PLCE1: variants seen among roughly 807,000 people sequenced by gnomAD.
The protein encoded by PLCE1 is phospholipase C epsilon 1, also known as 1-phosphatidylinositol 4,5-bisphosphate phosphodiesterase epsilon-1.
A neutral mutation model predicts 242.8 loss-of-function variants in PLCE1; 119 were observed. That is an observed-to-expected ratio of 0.49 (90% CI 0.42 to 0.57). The LOEUF is 0.57. Ranked by LOEUF, PLCE1 falls within the 20% of genes least tolerant of loss-of-function variation. The pLI is 0.00. For synonymous variants in PLCE1, 945 were observed against 1,017.4 expected, an observed-to-expected ratio of 0.93 and a Z score of 1.35; for missense variants, 2,441 against 2,788.8, an observed-to-expected ratio of 0.88 and a Z score of 2.81.
At chr10:94,083,407 T>G (rs546686121) in intron 2 of PLCE1, among the ~76,000 whole-genome samples, 6 of 152,142 alleles carry the variant, frequency 3.9e-5, no homozygotes, top group Non-Finnish European at 2.9e-5. Flanking sequence ...CCACAACATA[T>G]GCTTAACAGT....
chr10:94,330,721 G>A lies in PLCE1; in HGVS notation c.*2778G>A, dbSNP rs1488971035. ...AAAAAAAAAAAAAGTAAAGAGTCTAGTCTACTATTATACACAAATGGCCAG... is the reference window on the plus strand; with the variant it reads ...AAAAAAAAAAAAAGTAAAGAGTCTAATCTACTATTATACACAAATGGCCAG... On this transcript the variant is annotated 3_prime_UTR_variant, in exon 33 of 33. Transcript: ENST00000371380. 1 of 151,280 alleles carries A rather than the reference G, an allele frequency of 6.6e-6. No individual in the cohort carries two copies. Among genetic ancestry groups the A allele is most frequent in the Non-Finnish European group, 1.5e-5 (1 of 67,910 alleles). The allele number at this position is 151,280 out of a possible 1,614,324, so 9.4% of individuals were successfully genotyped here.
intron 7 of PLCE1, among the ~76,000 whole-genome samples, chr10:94,241,238 T>C (rs2050494141): frequency 6.6e-6 from 1 of 152,170 alleles, no homozygotes; most frequent in Non-Finnish European, 1.5e-5. Flanking sequence ...AGAAACAGGC[T>C]CCAGAAAAGC....
intron 1 of PLCE1, among the ~76,000 whole-genome samples, chr10:94,012,179 C>G (rs2061182248): frequency 6.6e-6 from 1 of 152,000 alleles, no homozygotes; most frequent in African/African-American, 2.4e-5. Context: ...CTGGGAATTT[C>G]TTCCCTTGAT....
intron 1 of PLCE1, among the ~76,000 whole-genome samples, chr10:93,996,997 T>C (rs1480826406): frequency 1.3e-5 from 2 of 152,232 alleles, no homozygotes; most frequent in African/African-American, 4.8e-5. Flanking sequence ...GTCATAACTT[T>C]AAAGTTTCCA....
At chr10:94,147,770 A>G (rs1041524465) in intron 3 of PLCE1, among the ~76,000 whole-genome samples, 2 of 152,218 alleles carry the variant, frequency 1.3e-5, no homozygotes, top group East Asian at 1.9e-4. Flanking sequence ...GATCTGAACT[A>G]TCATGGAGCT....
rs114843299 is a variant in PLCE1, at chr10:94,272,689, C to T, written c.4507-873C>T. Among the ~76,000 whole-genome samples, 368 of 152,202 alleles carry T rather than the reference C, an allele frequency of 2.4e-3. 3 individuals carry two copies. The highest frequency in any genetic ancestry group is 8.5e-3 in the African/African-American group (351 of 41,534). The stretch of plus-strand genomic sequence containing the variant: ...CACGGCTCCAGCTGGTCCCTCCGTT[C>T]GGGATCCCTGACTTCCCACAACAAT... On this transcript the variant is annotated intron_variant, in intron 18 of 32. Coordinates refer to ENST00000371380, the MANE Select transcript of PLCE1 (RefSeq NM_016341.4).
At chr10:94,125,140 C>T (rs538330097) in intron 2 of PLCE1, among the ~76,000 whole-genome samples, 117 of 152,208 alleles carry the variant, frequency 7.7e-4, no homozygotes, top group African/African-American at 2.7e-3. Context: ...TAATGCCAAA[C>T]ACTGTTCTAG....
intron 2 of PLCE1, among the ~76,000 whole-genome samples, chr10:94,101,331 GA>G (rs1051064202): frequency 6.0e-5 from 9 of 149,996 alleles, no homozygotes; most frequent in Non-Finnish European, 7.4e-5. Flanking sequence ...TAAAGCTGAG[GA>G]AAAAAAAATA....
chr10:94,043,629 AGCCTT>A (rs934235065), intron 2 of PLCE1, among the ~76,000 whole-genome samples: 14 of 152,168 alleles, frequency 9.2e-5, no homozygotes, highest in African/African-American at 3.4e-4. Context: ...GTAACTCCTT[AGCCTT>A]GAGAAACTCT....
chr10:94,091,594 A>C (rs1564678649), intron 2 of PLCE1, among the ~76,000 whole-genome samples: 1 of 152,148 alleles, frequency 6.6e-6, no homozygotes, highest in African/African-American at 2.4e-5. Context: ...AGAAAAAAAG[A>C]CTGTTGAGTT....
chr10:94,262,920 G>A (rs1293365678), intron 14 of PLCE1, among the ~76,000 whole-genome samples, 188 bp downstream of exon 14: 1 of 151,274 alleles, frequency 6.6e-6, no homozygotes, highest in Non-Finnish European at 1.5e-5. Context: ...TGGCCAGGCT[G>A]GAGTGCAGTG....
chr10:94,227,243 G>A, intron 4 of PLCE1, 63 bp from the exon 5 acceptor site: 1 of 1,511,472 alleles, frequency 6.6e-7, no homozygotes. Context: ...GAATGCTTTT[G>A]GAAAAAAAAA....
At chr10:94,204,756 A>G (rs937639177) in intron 4 of PLCE1, among the ~76,000 whole-genome samples, 3 of 83,504 alleles carry the variant, frequency 3.6e-5, no homozygotes, top group African/African-American at 4.6e-5. Context: ...GGGAGGAAGG[A>G]AGGAAGGAAG....
At chr10:94,042,470 A>C (rs1248831348) in intron 2 of PLCE1, among the ~76,000 whole-genome samples, 2 of 152,184 alleles carry the variant, frequency 1.3e-5, no homozygotes, top group African/African-American at 4.8e-5. Context: ...CTACCTCTAA[A>C]GTCCATACTC....
intron 29 of PLCE1, among the ~76,000 whole-genome samples, 197 bp downstream of exon 29, chr10:94,316,953 T>TA (rs762391745): frequency 2.0e-5 from 3 of 152,214 alleles, no homozygotes; most frequent in Non-Finnish European, 4.4e-5. Context: ...AAATTCAATC[T>TA]AAAAAACATC....
chr10:94,310,714 C>A (rs926526450), intron 27 of PLCE1, among the ~76,000 whole-genome samples: 1 of 152,174 alleles, frequency 6.6e-6, no homozygotes, highest in Non-Finnish European at 1.5e-5. Context: ...ACAGATGCCA[C>A]AAATGAACTG....
chr10:94,296,305 G>A (rs1442231493), intron 23 of PLCE1, among the ~76,000 whole-genome samples: 1 of 149,840 alleles, frequency 6.7e-6, no homozygotes, highest in African/African-American at 2.5e-5. Flanking sequence ...GGCGGAGCTT[G>A]CAGTGAGCCA....
At chr10:94,162,745 G>T (rs1045720021) in intron 3 of PLCE1, among the ~76,000 whole-genome samples, 1 of 152,124 alleles carries the variant, frequency 6.6e-6, no homozygotes, top group African/African-American at 2.4e-5. Context: ...TAATTGTGAT[G>T]TTAGTGTGTC....
At chr10:94,197,641 A>G (rs2048861118) in intron 4 of PLCE1, among the ~76,000 whole-genome samples, 1 of 152,204 alleles carries the variant, frequency 6.6e-6, no homozygotes, top group African/African-American at 2.4e-5. Context: ...TCTCTGTTCA[A>G]ATATTTTCTG....
Sources: gnomAD v4.1 joint callset for allele counts (sites outside exome capture counted in the v4.1 genomes callset) on GRCh38, gnomAD v4.1.1 for gene constraint, MANE v1.5 for transcripts, NCBI Gene and HGNC (gene_info 2026-07-23, HGNC 2026-07-21) for gene names.